Variants in ATM observed in about 807,000 individuals in gnomAD.
ATM encodes the protein serine-protein kinase ATM.
ATM carries 308 observed loss-of-function variants against 387.0 expected under a neutral mutation model. The observed-to-expected ratio is 0.80, with a 90% CI of 0.73 to 0.87. The LOEUF (loss-of-function observed/expected upper bound fraction) is 0.87, where lower values mean the gene tolerates loss of function less well. ATM is among the 40% of genes least tolerant of loss of function. The pLI, the probability that ATM is intolerant of heterozygous loss-of-function variation, is 0.00. For synonymous variants in ATM, 1,156 were observed against 1,187.3 expected, an observed-to-expected ratio of 0.97 and a Z score of 0.54; for missense variants, 3,312 against 3,560.9, an observed-to-expected ratio of 0.93 and a Z score of 1.78.
intron 43 of ATM, among the ~76,000 whole-genome samples, chr11:108,318,384 A>T (rs761323337): frequency 1.4e-4 from 21 of 151,520 alleles, no homozygotes; most frequent in Non-Finnish European, 2.9e-4. Flanking sequence ...TAAAATAAAA[A>T]AAATAATATG....
At chr11:108,314,127 T>C (rs1398532839) in intron 40 of ATM, among the ~76,000 whole-genome samples, 1 of 152,182 alleles carries the variant, frequency 6.6e-6, no homozygotes, top group African/African-American at 2.4e-5. Flanking sequence ...TTTTTTGTTT[T>C]TTTTTCCAGA....
intron 25 of ATM, among the ~76,000 whole-genome samples, chr11:108,283,403 A>G (rs1031300069): frequency 1.3e-5 from 2 of 152,224 alleles, no homozygotes; most frequent in Non-Finnish European, 2.9e-5. Context: ...GGTTTGAAAC[A>G]ACTAAAAAGT....
At chr11:108,320,158 TGAA>T (rs761562193) in intron 44 of ATM, 100 bp downstream of exon 44, 11 of 907,954 alleles carry the variant, frequency 1.2e-5, no homozygotes, top group African/African-American at 3.3e-5. Context: ...TTTGCATTGA[TGAA>T]GAGATAAAGA....
At chr11:108,284,187 AG>A (rs1280114768) in intron 25 of ATM, 39 bp from the exon 26 acceptor site, 2 of 1,469,010 alleles carry the variant, frequency 1.4e-6, no homozygotes, top group South Asian at 2.5e-5. Flanking sequence ...TACTTGGAAA[AG>A]TTATATATAA....
chr11:108,328,749 A>G (rs976605462), intron 48 of ATM, among the ~76,000 whole-genome samples: 1 of 152,206 alleles, frequency 6.6e-6, no homozygotes, highest in Non-Finnish European at 1.5e-5. Flanking sequence ...ACTAACATTA[A>G]TGATAGCTAA....
At chr11:108,253,726 A>G in intron 12 of ATM, 88 bp from the exon 13 acceptor site, 1 of 883,430 alleles carries the variant, frequency 1.1e-6, no homozygotes, top group Non-Finnish European at 1.8e-6. Context: ...TACTAGGTTA[A>G]TGTTTTCCTT....
intron 16 of ATM, among the ~76,000 whole-genome samples, chr11:108,261,331 C>G (rs1214353982): frequency 6.6e-6 from 1 of 152,182 alleles, no homozygotes; most frequent in Non-Finnish European, 1.5e-5. Flanking sequence ...TGACCCTGAC[C>G]CCCGAACAGC....
Position 108,271,163 on chromosome 11 carries a change from T to C in ATM, c.2921+17T>C. The C allele has an allele frequency of 6.2e-7, 1 of 1,613,638 alleles. No homozygotes were observed. Among genetic ancestry groups the C allele is most frequent in the Non-Finnish European group, 8.5e-7 (1 of 1,179,690 alleles). On this transcript the variant is annotated intron_variant, in intron 19 of 62. Transcript: ENST00000675843. ...ACCACTATCGTAAGAAATTAAAACC[T>C]TATGTTATGTTCACTTTAAAGTTAT...
rs187495745 is a variant in ATM, at chr11:108,317,249, G to T, written c.6199-124G>T. On this transcript the variant is annotated intron_variant, in intron 42 of 62. Coordinates refer to ENST00000675843, the MANE Select transcript of ATM (RefSeq NM_000051.4). The stretch of plus-strand genomic sequence containing the variant: ...CCACCACACCCAGCTGATATTTTGG[G>T]ATTTTAAATGATATTGTGAACTAAA... 4.2e-5 allele frequency: 43 copies of T among 1,017,892 alleles called. No individual in the cohort carries two copies. In the East Asian group the frequency reaches 1.1e-3, roughly 26 times the overall value. The allele number at this position is 1,017,892 out of a possible 1,614,324, so 63.1% of individuals were successfully genotyped here. A position where few individuals can be genotyped will look rare whatever the true frequency, so the allele number is the denominator to read the frequency against.
chr11:108,317,279 G>A, intron 42 of ATM, 94 bp from the exon 43 acceptor site: 3 of 1,342,432 alleles, frequency 2.2e-6, no homozygotes, highest in African/African-American at 1.5e-5. Context: ...ACTAAAATTT[G>A]TCTAAGTTAA....
At chr11:108,238,416 T>C (rs962078178) in intron 5 of ATM, among the ~76,000 whole-genome samples, 3 of 152,168 alleles carry the variant, frequency 2.0e-5, no homozygotes, top group Admixed American at 6.5e-5. Context: ...CCTCCCAAAG[T>C]GTTGGGATTA....
In ATM at chr11:108,325,210, T is replaced by G. The variant is rs2085522399; in HGVS notation, c.6573-100T>G. On this transcript the variant is annotated intron_variant, in intron 45 of 62. Transcript: ENST00000675843. ...TTGTCACTACAAAAGTTCCTTTGTA[T>G]TATTATAATATTATATCGTAAGTTC... is the stretch of plus-strand genomic sequence containing the variant. 3 of 811,630 alleles carry G rather than the reference T, an allele frequency of 3.7e-6. No homozygotes were observed. The East Asian group carries it at 8.0e-5, about 22-fold the overall frequency. 50.3% of individuals were successfully genotyped at this position (811,630 alleles called of 1,614,324 possible).
intron 16 of ATM, among the ~76,000 whole-genome samples, chr11:108,261,833 A>G (rs1192406886): frequency 6.6e-6 from 1 of 152,190 alleles, no homozygotes; most frequent in Non-Finnish European, 1.5e-5. Context: ...CTACGTGAAG[A>G]ATGCAGAAGC....
rs1343017824 is a variant in ATM, at chr11:108,253,887, G to A, written c.1972G>A (p.Asp658Asn). The part of the protein sequence containing the change: ...VEELFLQTTF[D>N]KMDFLTIVRE... The stretch of plus-strand genomic sequence containing the variant: ...AGAACTATTTCTTCAGACAACTTTT[G>A]ACAAGATGGACTTTTTAACCATTGT... The change falls in exon 13 of 63, where the codon GAC (aspartate) becomes AAC (asparagine). Residue 658 changes from aspartate (D) to asparagine (N), a missense_variant. Physicochemically the swap from Asp to Asn is conservative, Grantham distance 23. Around this residue, in one of 4 missense-constraint regions of ATM, gnomAD observed 1,791 missense variants for 1,804.5 expected, o/e 0.99. Coordinates refer to ENST00000675843, the MANE Select transcript of ATM (RefSeq NM_000051.4). The A allele has an allele frequency of 1.2e-6, 2 of 1,613,990 alleles. No homozygotes were observed. The highest frequency in any genetic ancestry group is 2.2e-5 in the East Asian group (1 of 44,860).
chr11:108,250,156 A>G (rs2080054339), intron 9 of ATM, among the ~76,000 whole-genome samples: 1 of 150,774 alleles, frequency 6.6e-6, no homozygotes, highest in African/African-American at 2.4e-5. Context: ...ATATATATAT[A>G]TATATATATT....
At chr11:108,285,982 A>C (rs79139273) in intron 26 of ATM, among the ~76,000 whole-genome samples, 2,243 of 152,358 alleles carry the variant, frequency 0.015, 67 homozygotes, top group African/African-American at 0.05. Context: ...TTGCCTCAAG[A>C]ATGAAGAACA....
At chr11:108,338,559 G>A (rs1482924285) in intron 56 of ATM, among the ~76,000 whole-genome samples, 1 of 152,070 alleles carries the variant, frequency 6.6e-6, no homozygotes, top group African/African-American at 2.4e-5. Context: ...AGAAGCTAAA[G>A]CGTGAGGATT....
intron 59 of ATM, among the ~76,000 whole-genome samples, chr11:108,349,280 A>T (rs1165550085): frequency 6.6e-6 from 1 of 152,250 alleles, no homozygotes; most frequent in Non-Finnish European, 1.5e-5. Context: ...AATCAATCCT[A>T]GAGGCCTTGG....
rs1054266374 is a variant in ATM, at chr11:108,368,521, T to C, written c.*3013T>C. 1 of 216,826 alleles carries C rather than the reference T, an allele frequency of 4.6e-6. No individual in the cohort carries two copies. The highest frequency in any genetic ancestry group is 2.3e-5 in the African/African-American group (1 of 44,424). The allele number at this position is 216,826 out of a possible 1,614,324, so 13.4% of individuals were successfully genotyped here. A position where few individuals can be genotyped will look rare whatever the true frequency, so the allele number is the denominator to read the frequency against. Reference sequence around the variant, plus strand: ...CTGGAGAAATCAGAATTTGGAGAAATAAGTTGTCCAAGGCAAGAAGATAGT... The same window carrying C: ...CTGGAGAAATCAGAATTTGGAGAAACAAGTTGTCCAAGGCAAGAAGATAGT... On this transcript the variant is annotated 3_prime_UTR_variant, in exon 63 of 63. Coordinates refer to ENST00000675843, the MANE Select transcript of ATM (RefSeq NM_000051.4).
Sources: gnomAD v4.1 joint callset for allele counts (sites outside exome capture counted in the v4.1 genomes callset) on GRCh38, gnomAD v4.1.1 for gene constraint, gnomAD v4.1.1 regional missense constraint, MANE v1.5 for transcripts, NCBI Gene and HGNC (gene_info 2026-07-23, HGNC 2026-07-21) for gene names.